The following HEMK2 variants were observed in gnomAD, a reference collection of about 807,000 sequenced individuals.
The protein encoded by HEMK2 is HemK methyltransferase 2, ETF1 glutamine and histone H4 lysine.
chr21:28,648,409 T>C, the HEMK2 span, among the ~76,000 whole-genome samples: 2 of 152,164 alleles, frequency 1.3e-5, no homozygotes, highest in Non-Finnish European at 2.9e-5. Context: ...GTGTGATCAT[T>C]TATAAATGTC....
the HEMK2 span, among the ~76,000 whole-genome samples, chr21:28,627,661 G>A: frequency 6.6e-6 from 1 of 152,284 alleles, no homozygotes; most frequent in African/African-American, 2.4e-5. Flanking sequence ...TGAGGCAGGA[G>A]AATAGGATCT....
At chr21:28,696,113 C>T in the HEMK2 span, among the ~76,000 whole-genome samples, 3 of 152,102 alleles carry the variant, frequency 2.0e-5, no homozygotes, top group Admixed American at 1.3e-4. Flanking sequence ...AGGGGTTTCC[C>T]CTTATAAAAC....
chr21:28,576,374 C>A, the HEMK2 span, among the ~76,000 whole-genome samples: 1 of 152,244 alleles, frequency 6.6e-6, no homozygotes, highest in Admixed American at 6.5e-5. Context: ...ATTGGCCATT[C>A]ATAAATTTCT....
chr21:28,851,413 A>G, the HEMK2 span, among the ~76,000 whole-genome samples: 348 of 152,296 alleles, frequency 2.3e-3, 2 homozygotes, highest in Non-Finnish European at 4.2e-3. Flanking sequence ...AGGTCACTGG[A>G]TAAATCGGCC....
chr21:28,691,033 G>A, the HEMK2 span, among the ~76,000 whole-genome samples: 1 of 152,116 alleles, frequency 6.6e-6, no homozygotes, highest in Admixed American at 6.6e-5. Flanking sequence ...CAAGGTTATA[G>A]GTGTTGCTGT....
chr21:28,593,816 G>C, the HEMK2 span, among the ~76,000 whole-genome samples: 2 of 152,192 alleles, frequency 1.3e-5, no homozygotes, highest in South Asian at 4.1e-4. Context: ...AATAAATGAA[G>C]AGAATAGACA....
chr21:28,880,198 A>G, the HEMK2 span, among the ~76,000 whole-genome samples: 4 of 152,248 alleles, frequency 2.6e-5, no homozygotes, highest in African/African-American at 4.8e-5. Flanking sequence ...AACAGCACAT[A>G]TATTTATATT....
At chr21:28,653,617 C>A in the HEMK2 span, among the ~76,000 whole-genome samples, 6 of 152,156 alleles carry the variant, frequency 3.9e-5, no homozygotes, top group Non-Finnish European at 8.8e-5. Context: ...CACTTCTGCA[C>A]AACATTTCTT....
At chr21:28,833,446 G>A in the HEMK2 span, among the ~76,000 whole-genome samples, 1 of 152,180 alleles carries the variant, frequency 6.6e-6, no homozygotes, top group Non-Finnish European at 1.5e-5. Context: ...TCCAGTAATG[G>A]CAGTTACATA....
At chr21:28,846,562 T>C in the HEMK2 span, among the ~76,000 whole-genome samples, 1 of 152,104 alleles carries the variant, frequency 6.6e-6, no homozygotes. Flanking sequence ...TAATATTGAG[T>C]ATTTTTTCAT....
the HEMK2 span, among the ~76,000 whole-genome samples, chr21:28,661,109 A>ATCAT: frequency 6.6e-6 from 1 of 151,960 alleles, no homozygotes; most frequent in Non-Finnish European, 1.5e-5. Flanking sequence ...TTTTTTCCTC[A>ATCAT]TCATTCTTCC....
chr21:28,839,000 T>TATAC, the HEMK2 span, among the ~76,000 whole-genome samples: 14 of 57,992 alleles, frequency 2.4e-4, no homozygotes, highest in South Asian at 3.1e-3. Flanking sequence ...TATATATATA[T>TATAC]ACATATATAT....
the HEMK2 span, among the ~76,000 whole-genome samples, chr21:28,858,786 C>G: frequency 6.6e-6 from 1 of 152,102 alleles, no homozygotes; most frequent in African/African-American, 2.4e-5. Flanking sequence ...GCCAGGAGTT[C>G]AATGTCACAG....
the HEMK2 span, among the ~76,000 whole-genome samples, chr21:28,783,373 C>T: frequency 6.6e-6 from 1 of 152,094 alleles, no homozygotes; most frequent in Non-Finnish European, 1.5e-5. Context: ...TTCGTAGAGA[C>T]GGGGTTTCAC....
chr21:28,782,349 C>T, the HEMK2 span, among the ~76,000 whole-genome samples: 1 of 152,184 alleles, frequency 6.6e-6, no homozygotes, highest in East Asian at 1.9e-4. Context: ...CATTTATAGG[C>T]ACTCTAGGCA....
chr21:28,634,619 G>T, the HEMK2 span, among the ~76,000 whole-genome samples: 6 of 152,144 alleles, frequency 3.9e-5, no homozygotes, highest in African/African-American at 7.2e-5. Flanking sequence ...TATGCACAGG[G>T]CTTATGAAAA....
the HEMK2 span, among the ~76,000 whole-genome samples, chr21:28,673,251 A>G: frequency 2.6e-5 from 4 of 152,164 alleles, no homozygotes; most frequent in Non-Finnish European, 5.9e-5. Context: ...GTCTAGAAAA[A>G]TGCATGATAG....
chr21:28,624,843 C>A, the HEMK2 span, among the ~76,000 whole-genome samples: 38 of 152,298 alleles, frequency 2.5e-4, no homozygotes, highest in South Asian at 5.6e-3. Flanking sequence ...TGATTCTGAG[C>A]AACTACACCA....
At chr21:28,743,666 T>C in the HEMK2 span, among the ~76,000 whole-genome samples, 1 of 152,088 alleles carries the variant, frequency 6.6e-6, no homozygotes, top group Non-Finnish European at 1.5e-5. Context: ...AAACAAGAGA[T>C]CTTGTTTAAT....
Sources: gnomAD v4.1 joint callset for allele counts (sites outside exome capture counted in the v4.1 genomes callset) on GRCh38, gnomAD v4.1.1 for gene constraint, MANE v1.5 for transcripts, NCBI Gene and HGNC (gene_info 2026-07-23, HGNC 2026-07-21) for gene names.